The following GALNT14 variants were observed in gnomAD, a reference collection of about 807,000 sequenced individuals.
GALNT14 encodes the protein UDP-GalNAc:polypeptide N-acetylgalactosaminyltransferase 14.
GALNT14 carries 60 observed loss-of-function variants against 77.5 expected under a neutral mutation model. The ratio of observed to expected loss-of-function variants is 0.77; its 90% confidence interval spans 0.63 to 0.96. GALNT14 has a LOEUF of 0.96. GALNT14 is among the 40% of genes least tolerant of loss of function. GALNT14 has a pLI of 0.00. For missense variants in GALNT14, 710 were observed against 731.0 expected (o/e 0.97, Z 0.33); for synonymous variants, 280 against 281.7 (o/e 0.99, Z 0.06).
chr2:31,115,553 T>C (rs1291655761), intron 1 of GALNT14, among the ~76,000 whole-genome samples: 1 of 152,136 alleles, frequency 6.6e-6, no homozygotes, highest in Admixed American at 6.5e-5. Context: ...TGGAAACAGG[T>C]AATGGAAGTG....
At position 31,138,381 on chromosome 2, in the gene GALNT14, C is replaced by T; in HGVS notation, c.-295G>A. The T allele has an allele frequency of 2.6e-6, 1 of 380,264 alleles. No individual in the cohort carries two copies. Among genetic ancestry groups the T allele is most frequent in the South Asian group, 3.3e-5 (1 of 30,038 alleles). 23.6% of individuals were successfully genotyped at this position (380,264 alleles called of 1,614,324 possible). ...GTGGCTGCCGAGATGTTCCCCACGC[C>T]GCCACCGCGGCTGCCGCCGCCGCCG... On this transcript the variant is annotated 5_prime_UTR_variant, in exon 1 of 15. Transcript: ENST00000349752.
At chr2:30,983,095 A>G (rs1669086691) in intron 2 of GALNT14, among the ~76,000 whole-genome samples, 1 of 152,110 alleles carries the variant, frequency 6.6e-6, no homozygotes, top group Non-Finnish European at 1.5e-5. Flanking sequence ...GAGAACTGAT[A>G]CCACACTGCC....
chr2:31,101,452 A>C (rs1379468605), intron 1 of GALNT14, among the ~76,000 whole-genome samples: 1 of 150,892 alleles, frequency 6.6e-6, no homozygotes, highest in Non-Finnish European at 1.5e-5. Context: ...GGACTAGTGC[A>C]TTTTTCTTTG....
chr2:31,086,721 T>C (rs1158619563), intron 1 of GALNT14, among the ~76,000 whole-genome samples: 2 of 152,192 alleles, frequency 1.3e-5, no homozygotes. Flanking sequence ...GAGTGAGATT[T>C]ATTATTTAGT....
intron 1 of GALNT14, among the ~76,000 whole-genome samples, chr2:31,124,844 CA>C (rs1246460145): frequency 7.2e-5 from 11 of 152,208 alleles, no homozygotes; most frequent in Admixed American, 7.2e-4. Flanking sequence ...AAGCACCCAG[CA>C]TTTCTCCTAA....
intron 1 of GALNT14, among the ~76,000 whole-genome samples, chr2:31,087,902 G>C (rs924387393): frequency 2.0e-5 from 3 of 152,176 alleles, no homozygotes; most frequent in Non-Finnish European, 4.4e-5. Flanking sequence ...GGATGGATTA[G>C]TGCCTGTATA....
At chr2:30,975,142 G>T (rs1256354112) in intron 2 of GALNT14, among the ~76,000 whole-genome samples, 1 of 152,240 alleles carries the variant, frequency 6.6e-6, no homozygotes, top group Non-Finnish European at 1.5e-5. Context: ...TGGGCTAAGG[G>T]TGTCCTGGGG....
rs559213146 is a variant in GALNT14 at position 31,095,452 on chromosome 2, T to C, written c.129+42506A>G. 2.6e-5 allele frequency among the ~76,000 whole-genome samples: 4 copies of C among 152,234 alleles called. No homozygotes were observed. The East Asian group carries it at 5.8e-4, about 22-fold the overall frequency. On this transcript the variant is annotated intron_variant, in intron 1 of 14. Transcript: ENST00000349752. Reference sequence around the variant, plus strand: ...CCAAAGGGTCATATGCCAGTCTCCATCTCCATTTAATAAGAGCAATCCCTG... The same window carrying C: ...CCAAAGGGTCATATGCCAGTCTCCACCTCCATTTAATAAGAGCAATCCCTG...
intron 3 of GALNT14, among the ~76,000 whole-genome samples, chr2:30,960,546 C>T (rs1322689666): frequency 1.3e-5 from 2 of 152,168 alleles, no homozygotes; most frequent in African/African-American, 4.8e-5. Context: ...CGTGGTAACA[C>T]CTGGCTTGTT....
intron 9 of GALNT14, among the ~76,000 whole-genome samples, chr2:30,936,970 C>T (rs576374663): frequency 3.9e-5 from 6 of 152,180 alleles, no homozygotes; most frequent in African/African-American, 7.2e-5. Context: ...CAGGAAAGGA[C>T]GGCCTCAGGG....
At chr2:31,129,153 G>A (rs930037738) in intron 1 of GALNT14, 1 of 153,916 alleles carries the variant, frequency 6.5e-6, no homozygotes, top group Non-Finnish European at 1.4e-5. Flanking sequence ...AACAGCATAT[G>A]CGTGACAGTC....
intron 2 of GALNT14, among the ~76,000 whole-genome samples, chr2:30,985,287 C>G (rs1205364589): frequency 1.3e-5 from 2 of 152,174 alleles, no homozygotes; most frequent in East Asian, 3.9e-4. Flanking sequence ...GACTGGTCCC[C>G]TTTTGAAGTC....
intron 1 of GALNT14, among the ~76,000 whole-genome samples, chr2:31,074,678 GA>G (rs1264964673): frequency 2.6e-5 from 4 of 152,054 alleles, no homozygotes; most frequent in Non-Finnish European, 5.9e-5. Context: ...GAGACATAGA[GA>G]AAAAAGAGAG....
chr2:31,093,208 T>A (rs1221034287), intron 1 of GALNT14, among the ~76,000 whole-genome samples: 1 of 152,056 alleles, frequency 6.6e-6, no homozygotes, highest in Non-Finnish European at 1.5e-5. Flanking sequence ...ATAAAGCAGA[T>A]TTATGGAGAG....
At chr2:31,024,753 G>C (rs1010634557) in intron 1 of GALNT14, among the ~76,000 whole-genome samples, 1 of 152,174 alleles carries the variant, frequency 6.6e-6, no homozygotes, top group African/African-American at 2.4e-5. Context: ...TCCAGACCCT[G>C]GCATATGGTT....
chr2:30,937,333 G>A (rs1424453468), intron 9 of GALNT14, among the ~76,000 whole-genome samples: 1 of 152,190 alleles, frequency 6.6e-6, no homozygotes, highest in Admixed American at 6.5e-5. Context: ...TTCCACTGTT[G>A]CAATAACAAA....
At chr2:30,995,209 TAAC>T (rs1669957276) in intron 1 of GALNT14, among the ~76,000 whole-genome samples, 1 of 151,118 alleles carries the variant, frequency 6.6e-6, no homozygotes. Context: ...CACATATGCA[TAAC>T]AACATTTCAG....
At chr2:30,991,036 T>C (rs899311311) in intron 2 of GALNT14, 1 of 152,240 alleles carries the variant, frequency 6.6e-6, no homozygotes, top group Non-Finnish European at 1.5e-5. Context: ...CCACCACATA[T>C]GCCTAGCCCT....
At chr2:30,988,543 T>C (rs987373049) in intron 2 of GALNT14, among the ~76,000 whole-genome samples, 1 of 151,954 alleles carries the variant, frequency 6.6e-6, no homozygotes, top group South Asian at 2.1e-4. Flanking sequence ...ACAGAAGTCA[T>C]GTCAGTGGAG....
Sources: gnomAD v4.1 joint callset for allele counts (sites outside exome capture counted in the v4.1 genomes callset) on GRCh38, gnomAD v4.1.1 for gene constraint, MANE v1.5 for transcripts, NCBI Gene and HGNC (gene_info 2026-07-23, HGNC 2026-07-21) for gene names.